Variants in TRPV4 observed in about 807,000 individuals in gnomAD.
The protein encoded by TRPV4 is transient receptor potential cation channel subfamily V member 4.
Under a neutral mutation model 84.1 loss-of-function variants are expected in TRPV4, and 58 were observed. The observed-to-expected ratio is 0.69, with a 90% CI of 0.56 to 0.86. The LOEUF (loss-of-function observed/expected upper bound fraction) is 0.86. Among genes scored for constraint, TRPV4 ranks in the 40% least tolerant of loss-of-function variants. TRPV4 has a pLI of 0.00. For synonymous variants in TRPV4, 489 were observed against 500.9 expected, an observed-to-expected ratio of 0.98 and a Z score of 0.32; for missense variants, 879 against 1,181.1, an observed-to-expected ratio of 0.74 and a Z score of 3.75.
At chr12:109,812,368 G>A (rs1489851571) in intron 2 of TRPV4, among the ~76,000 whole-genome samples, 2 of 152,246 alleles carry the variant, frequency 1.3e-5, no homozygotes, top group Non-Finnish European at 2.9e-5. Flanking sequence ...TTATGGGAAA[G>A]AAGGTTGAAT....
chr12:109,798,649 G>A lies in TRPV4; in HGVS notation c.1117C>T (p.Pro373Ser). 1 of 1,612,788 alleles carries A rather than the reference G, an allele frequency of 6.2e-7. No homozygotes were observed. The highest frequency in any genetic ancestry group is 2.2e-5 in the East Asian group (1 of 44,888). The change falls in exon 6 of 16, where the codon CCC (proline) becomes TCC (serine). Residue 373 changes from proline to serine, a missense_variant. Pro to Ser is a moderately conservative substitution (Grantham distance 74, BLOSUM62 -1). This residue lies in a region of TRPV4 where 521 missense variants were observed against 686.6 expected (regional missense o/e 0.76). Transcript: ENST00000261740. The surrounding 1 kb of genome is among the most constrained non-coding windows in gnomAD (Gnocchi z 5.0). Reference sequence around the variant, plus strand: ...CCCGTCTTGGCAGCCATCATGAGGGGCGAGAGGCCGTCGTTGTTGAGCACG... The same window carrying A: ...CCCGTCTTGGCAGCCATCATGAGGGACGAGAGGCCGTCGTTGTTGAGCACG... ...EAVLNNDGLS[P>S]LMMAAKTGKI...
chr12:109,819,643 C>A (rs1892013714), intron 1 of TRPV4, among the ~76,000 whole-genome samples: 1 of 152,230 alleles, frequency 6.6e-6, no homozygotes, highest in Non-Finnish European at 1.5e-5. Flanking sequence ...CTCACTGCAA[C>A]CTCCTCCTCC....
chr12:109,804,803 C>T (rs184841560), intron 3 of TRPV4, among the ~76,000 whole-genome samples: 26 of 152,320 alleles, frequency 1.7e-4, no homozygotes, highest in Admixed American at 1.2e-3. Context: ...CCTTTATTTC[C>T]CTCATTTCCC....
intron 7 of TRPV4, 102 bp from the exon 8 acceptor site, chr12:109,794,589 G>C: frequency 7.9e-7 from 1 of 1,262,352 alleles, no homozygotes; most frequent in Non-Finnish European, 1.1e-6. Context: ...CCCGGACAGC[G>C]CTTTCTCTTT....
chr12:109,784,181 CA>C, intron 15 of TRPV4, 134 bp downstream of exon 15: 1 of 1,404,110 alleles, frequency 7.1e-7, no homozygotes, highest in Non-Finnish European at 9.9e-7. Context: ...TCACAAGCAG[CA>C]GAGGAAGCTC....
chr12:109,798,908 C>T lies in TRPV4; in HGVS notation c.858G>A (p.Glu286=), dbSNP rs1397584157. The T allele has an allele frequency of 1.2e-6, 2 of 1,609,936 alleles. No homozygotes were observed. Among genetic ancestry groups the T allele is most frequent in the African/African-American group, 2.7e-5 (2 of 75,014 alleles). ...TGCAGGCAGCCAGCGACAGGGGCAG[C>T]TCCCCTGCGGGCCAGGGTGAAGGGT... ...KDEGGYFYFG[E]LPLSLAACTN... Residue 286 remains glutamate, a synonymous_variant, in exon 6 of 16, where the codon GAG becomes GAA. Coordinates refer to ENST00000261740, the MANE Select transcript of TRPV4 (RefSeq NM_021625.5). This position sits in a 1 kb window ranked among gnomAD's most constrained non-coding sequence, Gnocchi z 5.0.
rs201927283 is a variant in TRPV4 at position 109,814,516 on chromosome 12, G to A, written c.281C>T (p.Ser94Leu). 2.8e-5 allele frequency: 46 copies of A among 1,614,160 alleles called. No individual in the cohort carries two copies. In the Admixed American group the frequency reaches 5.2e-4, roughly 18 times the overall value. The change falls in exon 2 of 16, where the codon TCG becomes TTG. Residue 94 changes from serine to leucine, a missense_variant. By Grantham distance (145) the Ser-to-Leu change is moderately radical. Around this residue, in one of 4 missense-constraint regions of TRPV4, gnomAD observed 521 missense variants for 686.6 expected, o/e 0.76. Transcript: ENST00000261740. This position sits in a 1 kb window ranked among gnomAD's most constrained non-coding sequence, Gnocchi z 5.4. ...TGCTTTCTTGGGCCCAGGCACCACC[G>A]AGGACTCATATAGGGTGGACTCCAG... ...DLLESTLYES[S>L]VVPGPKKAPM...
intron 1 of TRPV4, among the ~76,000 whole-genome samples, chr12:109,817,626 G>A (rs542459853): frequency 2.0e-5 from 3 of 152,266 alleles, no homozygotes; most frequent in Non-Finnish European, 2.9e-5. Context: ...AAGTCACGCC[G>A]CGATCATGAT....
intron 7 of TRPV4, among the ~76,000 whole-genome samples, chr12:109,795,624 A>T (rs368055582): frequency 6.6e-6 from 1 of 152,256 alleles, no homozygotes; most frequent in Admixed American, 6.5e-5. Context: ...ATAAGAGAAC[A>T]GTTCATTTGA....
chr12:109,803,190 C>G (rs377416163), intron 3 of TRPV4, 47 bp from the exon 4 acceptor site: 2 of 1,609,376 alleles, frequency 1.2e-6, no homozygotes, highest in Non-Finnish European at 1.7e-6. Context: ...AGCCCATGAC[C>G]TTGAACTTCC....
chr12:109,800,886 C>T, intron 4 of TRPV4, 128 bp from the exon 5 acceptor site: 3 of 886,572 alleles, frequency 3.4e-6, no homozygotes, highest in Non-Finnish European at 5.4e-6. Flanking sequence ...TCCTGCCCAG[C>T]GACACCCAAG....
At chr12:109,818,079 T>C (rs145195553) in intron 1 of TRPV4, among the ~76,000 whole-genome samples, 63 of 151,306 alleles carry the variant, frequency 4.2e-4, no homozygotes, top group Middle Eastern at 3.4e-3. Flanking sequence ...AGCAGGTTAG[T>C]GACAGAGCCA....
rs1277214538 is a variant in TRPV4, at chr12:109,794,572, C to T, written c.1333-85G>A. On this transcript the variant is annotated intron_variant, in intron 7 of 15. Transcript: ENST00000261740. Reference sequence around the variant, plus strand: ...GCTGCCTCGGGTGTGCCTTCCCCCACCCTCCACCCGGACAGCGCTTTCTCT... The same window carrying T: ...GCTGCCTCGGGTGTGCCTTCCCCCATCCTCCACCCGGACAGCGCTTTCTCT... The T allele has an allele frequency of 9.2e-6, 13 of 1,415,776 alleles. No homozygotes were observed. In the East Asian group the frequency reaches 3.0e-4, roughly 32 times the overall value. The allele number at this position is 1,415,776 out of a possible 1,614,324, so 87.7% of individuals were successfully genotyped here. A position where few individuals can be genotyped will look rare whatever the true frequency, so the allele number is the denominator to read the frequency against.
intron 2 of TRPV4, among the ~76,000 whole-genome samples, chr12:109,811,822 G>A (rs942683209): frequency 2.3e-4 from 35 of 151,962 alleles, no homozygotes; most frequent in Non-Finnish European, 4.4e-4. Flanking sequence ...CGCAAGTCCA[G>A]GTCATCTCCA....
chr12:109,808,560 GGGCA>G, intron 2 of TRPV4, 92 bp from the exon 3 acceptor site: 2 of 1,337,174 alleles, frequency 1.5e-6, no homozygotes, highest in East Asian at 2.4e-5. Context: ...CTGTGGTGGC[GGGCA>G]GGCAGCTGAA....
In TRPV4 at chr12:109,798,640, T is replaced by C; in HGVS notation, c.1126A>G (p.Met376Val). 3 of 1,612,846 alleles carry C rather than the reference T, an allele frequency of 1.9e-6. No homozygotes were observed. The highest frequency in any genetic ancestry group is 2.5e-6 in the Non-Finnish European group (3 of 1,180,018). The change falls in exon 6 of 16, where the codon ATG (methionine) becomes GTG (valine). Residue 376 changes from methionine to valine, a missense_variant. Physicochemically the swap from Met to Val is conservative, Grantham distance 21. This residue lies in a region of TRPV4 where 521 missense variants were observed against 686.6 expected (regional missense o/e 0.76). Transcript: ENST00000261740. The surrounding 1 kb of genome is among the most constrained non-coding windows in gnomAD (Gnocchi z 5.0). ...LNNDGLSPLM[M>V]AAKTGKIGIF... is the part of the protein sequence containing the mutation. ...CCAATCTTGCCCGTCTTGGCAGCCA[T>C]CATGAGGGGCGAGAGGCCGTCGTTG...
At chr12:109,788,776 G>A in intron 12 of TRPV4, 60 bp from the exon 13 acceptor site, 2 of 1,591,188 alleles carry the variant, frequency 1.3e-6, no homozygotes, top group East Asian at 2.2e-5. Context: ...GAGGTGGAGG[G>A]TGTCATTCTC....
chr12:109,809,592 A>C (rs1024656649), intron 2 of TRPV4, among the ~76,000 whole-genome samples: 1 of 147,210 alleles, frequency 6.8e-6, no homozygotes, highest in Non-Finnish European at 1.5e-5. Context: ...CCACTCACCC[A>C]TCCATCCATC....
At chr12:109,805,622 GC>G (rs1172922759) in intron 3 of TRPV4, among the ~76,000 whole-genome samples, 2 of 152,148 alleles carry the variant, frequency 1.3e-5, no homozygotes, top group Non-Finnish European at 2.9e-5. Flanking sequence ...TGACCTTTTA[GC>G]CATGCAGGGA....
Sources: allele counts gnomAD v4.1 joint callset (sites outside exome capture counted in the v4.1 genomes callset), GRCh38; gene constraint gnomAD v4.1.1; regional missense constraint gnomAD v4.1.1; non-coding constraint Gnocchi (gnomAD v3.1); transcripts MANE v1.5; gene names NCBI Gene and HGNC (gene_info 2026-07-23, HGNC 2026-07-21).